The following LSAMP variants were observed in gnomAD, a reference collection of about 807,000 sequenced individuals.
LSAMP encodes the protein limbic system-associated membrane protein.
LSAMP carries 7 observed loss-of-function variants against 38.6 expected under a neutral mutation model. That is an observed-to-expected ratio of 0.18 (90% CI 0.10 to 0.34). The LOEUF (loss-of-function observed/expected upper bound fraction) is 0.34, where lower values mean the gene tolerates loss of function less well. Among genes scored for constraint, LSAMP ranks in the 10% least tolerant of loss-of-function variants. The probability of loss-of-function intolerance (pLI) is 1.00; values close to 1 mark genes in which losing one functional copy is unlikely to be tolerated. For missense variants in LSAMP, 313 were observed against 420.0 expected (o/e 0.75, Z 2.23); for synonymous variants, 154 against 166.8 (o/e 0.92, Z 0.59).
chr3:116,314,170 C>T (rs1001203136), intron 1 of LSAMP, among the ~76,000 whole-genome samples: 3 of 152,152 alleles, frequency 2.0e-5, no homozygotes, highest in African/African-American at 7.2e-5. Context: ...GTTCCTAACC[C>T]AATGTATTTA....
chr3:116,054,409 C>T (rs964653472), intron 2 of LSAMP, among the ~76,000 whole-genome samples: 4 of 152,046 alleles, frequency 2.6e-5, no homozygotes, highest in Admixed American at 6.6e-5. Context: ...ACATCTCCAG[C>T]GTGGGGGCAT....
chr3:115,840,956 T>G (rs1934978856), intron 6 of LSAMP, among the ~76,000 whole-genome samples: 1 of 152,270 alleles, frequency 6.6e-6, no homozygotes, highest in South Asian at 2.1e-4. Context: ...GTTTTGCTTA[T>G]TCTGACAAAT....
intron 1 of LSAMP, among the ~76,000 whole-genome samples, chr3:116,250,873 G>A (rs1340014792): frequency 6.6e-6 from 1 of 152,064 alleles, no homozygotes; most frequent in East Asian, 1.9e-4. Context: ...TGTCTCAAAA[G>A]AAAAGGGAGT....
intron 1 of LSAMP, among the ~76,000 whole-genome samples, chr3:116,279,763 A>T (rs1306379436): frequency 6.6e-6 from 1 of 152,172 alleles, no homozygotes; most frequent in Non-Finnish European, 1.5e-5. Flanking sequence ...CAACATAAAA[A>T]TGTCATTGAA....
intron 2 of LSAMP, among the ~76,000 whole-genome samples, chr3:116,073,339 T>C (rs1281323337): frequency 6.6e-6 from 1 of 152,184 alleles, no homozygotes; most frequent in Admixed American, 6.5e-5. Flanking sequence ...TTGGATAGGT[T>C]GGATGGTGTG....
intron 3 of LSAMP, among the ~76,000 whole-genome samples, chr3:115,940,402 A>C (rs961215191): frequency 4.0e-5 from 6 of 150,574 alleles, no homozygotes; most frequent in Admixed American, 6.6e-5. Context: ...ATTTTTACAG[A>C]GTGCTAATTG....
chr3:115,876,861 T>A (rs1163229838), intron 3 of LSAMP, among the ~76,000 whole-genome samples: 1 of 152,124 alleles, frequency 6.6e-6, no homozygotes, highest in African/African-American at 2.4e-5. Context: ...CACGGATAGT[T>A]CTTCATCATC....
chr3:116,295,866 AGATT>A (rs2047325865), intron 1 of LSAMP, among the ~76,000 whole-genome samples: 2 of 152,204 alleles, frequency 1.3e-5, no homozygotes, highest in East Asian at 3.8e-4. Context: ...TTCAGACTTC[AGATT>A]AAGAAGGGGA....
At chr3:116,092,258 T>C (rs555292362) in intron 1 of LSAMP, among the ~76,000 whole-genome samples, 32 of 152,214 alleles carry the variant, frequency 2.1e-4, no homozygotes, top group African/African-American at 6.7e-4. Flanking sequence ...ATTAAAGTTA[T>C]TAGGTATAAA....
chr3:116,194,722 C>G (rs1046701742), intron 1 of LSAMP, among the ~76,000 whole-genome samples: 11 of 152,166 alleles, frequency 7.2e-5, no homozygotes, highest in African/African-American at 2.7e-4. Context: ...GCCCACTACG[C>G]CTCCTATCCT....
At chr3:116,209,746 T>A (rs1044410038) in intron 1 of LSAMP, among the ~76,000 whole-genome samples, 2 of 151,602 alleles carry the variant, frequency 1.3e-5, no homozygotes, top group African/African-American at 4.8e-5. Flanking sequence ...TATTTATTAT[T>A]TATTTATTTA....
intron 3 of LSAMP, among the ~76,000 whole-genome samples, chr3:115,901,328 G>A (rs1395255864): frequency 2.0e-5 from 3 of 151,936 alleles, no homozygotes; most frequent in Admixed American, 6.6e-5. Context: ...AGGTTTCAAA[G>A]TGTGTCCTTG....
intron 1 of LSAMP, among the ~76,000 whole-genome samples, chr3:116,339,869 A>G (rs1354873166): frequency 6.6e-6 from 1 of 152,064 alleles, no homozygotes; most frequent in East Asian, 1.9e-4. Flanking sequence ...CCAACCACTG[A>G]GCCATTCAAA....
chr3:116,159,742 A>C (rs1367801732), intron 1 of LSAMP, among the ~76,000 whole-genome samples: 3 of 152,186 alleles, frequency 2.0e-5, no homozygotes, highest in Non-Finnish European at 4.4e-5. Flanking sequence ...ACATAAAGGA[A>C]TGTAAATCAT....
At chr3:116,085,073 G>T (rs1397231692) in intron 2 of LSAMP, among the ~76,000 whole-genome samples, 1 of 152,086 alleles carries the variant, frequency 6.6e-6, no homozygotes, top group African/African-American at 2.4e-5. Flanking sequence ...AATTTAAATA[G>T]GTTGCCTAAG....
intron 1 of LSAMP, among the ~76,000 whole-genome samples, chr3:116,199,275 T>C (rs2107590797): frequency 6.6e-6 from 1 of 152,252 alleles, no homozygotes; most frequent in South Asian, 2.1e-4. Context: ...TGGTTAATTA[T>C]TTCTTAAAAC....
At chr3:116,377,310 ATAAG>A (rs1407572715) in intron 1 of LSAMP, among the ~76,000 whole-genome samples, 11 of 151,940 alleles carry the variant, frequency 7.2e-5, no homozygotes, top group African/African-American at 2.7e-4. Flanking sequence ...GCTCCCACTT[ATAAG>A]TGAGAACATG....
In LSAMP at chr3:116,439,319, G is replaced by GT. The variant is rs386397696; in HGVS notation, c.155+5557dup. The stretch of plus-strand genomic sequence containing the variant: ...CCAGCATAGGTCCTGAGATTTTGTT[G>GT]TTTTTTTTTTTTAATGCAACTATGT... On this transcript the variant is annotated intron_variant, in intron 1 of 6. Coordinates refer to ENST00000490035, the MANE Select transcript of LSAMP (RefSeq NM_002338.5). Among the ~76,000 whole-genome samples the GT allele has an allele frequency of 1.5e-3, 219 of 147,894 alleles. 3 individuals are homozygous for GT. Among genetic ancestry groups the GT allele is most frequent in the African/African-American group, 4.1e-3 (166 of 40,164 alleles).
chr3:116,294,624 A>G (rs981283279), intron 1 of LSAMP, among the ~76,000 whole-genome samples: 1 of 152,206 alleles, frequency 6.6e-6, no homozygotes, highest in Non-Finnish European at 1.5e-5. Flanking sequence ...GTGCCTCAAA[A>G]TATTAAAAGT....
Sources: gnomAD v4.1 joint callset for allele counts (sites outside exome capture counted in the v4.1 genomes callset) on GRCh38, gnomAD v4.1.1 for gene constraint, MANE v1.5 for transcripts, NCBI Gene and HGNC (gene_info 2026-07-23, HGNC 2026-07-21) for gene names.